The following TEX2 variants were observed in gnomAD, a reference collection of about 807,000 sequenced individuals.
The protein encoded by TEX2 is testis-expressed protein 2.
Under a neutral mutation model 106.9 loss-of-function variants are expected in TEX2, and 53 were observed. The observed-to-expected ratio is 0.50, with a 90% CI of 0.40 to 0.62. TEX2 has a LOEUF of 0.62. Among genes scored for constraint, TEX2 ranks in the 20% least tolerant of loss-of-function variants. The pLI is 0.00. For synonymous variants in TEX2, 523 were observed against 534.8 expected (o/e 0.98, Z 0.30); for missense variants, 1,207 against 1,379.0 (o/e 0.88, Z 1.98).
intron 7 of TEX2, 77 bp from the exon 8 acceptor site, chr17:64,161,010 A>T (rs2030859913): frequency 1.3e-6 from 2 of 1,482,174 alleles, no homozygotes; most frequent in Non-Finnish European, 1.8e-6. Context: ...ACATTTAAAA[A>T]TATCTAAATA....
chr17:64,213,474 C>T lies in TEX2; in HGVS notation c.744G>A (p.Lys248=). 6.2e-7 allele frequency: 1 copy of T among 1,614,170 alleles called. No homozygotes were observed. The highest frequency in any genetic ancestry group is 8.5e-7 in the Non-Finnish European group (1 of 1,180,038). The change falls in exon 2 of 12, where the codon AAG becomes AAA. Residue 248 remains lysine (K), a synonymous_variant. Coordinates refer to ENST00000584379, the MANE Select transcript of TEX2 (RefSeq NM_001288732.2). This position sits in a 1 kb window ranked among gnomAD's most constrained non-coding sequence, Gnocchi z 4.4. ...PDSKLNLHLF[K]QFTQPRNTGG... ...CTGTGTTTCGGGGCTGTGTGAACTGCTTGAACAGGTGTAAGTTCAGTTTGG... is the reference window on the plus strand; with the variant it reads ...CTGTGTTTCGGGGCTGTGTGAACTGTTTGAACAGGTGTAAGTTCAGTTTGG...
chr17:64,261,398 A>G (rs2034284885), intron 1 of TEX2, among the ~76,000 whole-genome samples: 1 of 152,202 alleles, frequency 6.6e-6, no homozygotes, highest in Non-Finnish European at 1.5e-5. Flanking sequence ...CTCCAGAAGC[A>G]TTCTAACATA....
intron 2 of TEX2, among the ~76,000 whole-genome samples, chr17:64,198,244 C>A (rs1233816545): frequency 6.6e-6 from 1 of 151,546 alleles, no homozygotes; most frequent in African/African-American, 2.4e-5. Context: ...CACCAAAGAT[C>A]TCCTGACACA....
intron 5 of TEX2, among the ~76,000 whole-genome samples, chr17:64,182,273 T>C (rs2031905282): frequency 6.6e-6 from 1 of 152,086 alleles, no homozygotes; most frequent in African/African-American, 2.4e-5. Context: ...GTACTTAGGA[T>C]AGTCAAAATC....
intron 4 of TEX2, among the ~76,000 whole-genome samples, chr17:64,188,978 T>A (rs2032196306): frequency 6.6e-6 from 1 of 152,110 alleles, no homozygotes; most frequent in East Asian, 1.9e-4. Flanking sequence ...CTCCTGATGA[T>A]CTTTTAGGAA....
At chr17:64,220,365 T>A (rs1436915118) in intron 1 of TEX2, among the ~76,000 whole-genome samples, 1 of 152,158 alleles carries the variant, frequency 6.6e-6, no homozygotes, top group Non-Finnish European at 1.5e-5. Flanking sequence ...TGGAATCTCA[T>A]TAAACTAAAG....
intron 5 of TEX2, among the ~76,000 whole-genome samples, chr17:64,180,720 T>TA (rs1278081383): frequency 2.0e-5 from 3 of 152,174 alleles, no homozygotes; most frequent in African/African-American, 7.2e-5. Flanking sequence ...GGCTTCCAAA[T>TA]AAGTGTAGAG....
chr17:64,171,416 T>C (rs895234346), intron 6 of TEX2, among the ~76,000 whole-genome samples: 12 of 152,192 alleles, frequency 7.9e-5, no homozygotes, highest in South Asian at 2.1e-4. Flanking sequence ...ACGGGGTTTA[T>C]AATAGAAAGG....
chr17:64,167,857 G>A (rs1285212497), intron 7 of TEX2, among the ~76,000 whole-genome samples: 1 of 151,982 alleles, frequency 6.6e-6, no homozygotes, highest in East Asian at 1.9e-4. Flanking sequence ...ATGAGGAAGT[G>A]AAGTGGTTCA....
At chr17:64,172,846 AG>A (rs2031468966) in intron 6 of TEX2, among the ~76,000 whole-genome samples, 1 of 152,208 alleles carries the variant, frequency 6.6e-6, no homozygotes. Flanking sequence ...ATCTATCCGT[AG>A]GAATTTATTC....
intron 7 of TEX2, among the ~76,000 whole-genome samples, chr17:64,168,042 G>T (rs1221296008): frequency 6.6e-6 from 1 of 152,028 alleles, no homozygotes; most frequent in African/African-American, 2.4e-5. Flanking sequence ...GCACAAGCCA[G>T]GAAATATTTT....
At chr17:64,246,333 C>A (rs1555636275) in intron 1 of TEX2, among the ~76,000 whole-genome samples, 1 of 152,182 alleles carries the variant, frequency 6.6e-6, no homozygotes, top group East Asian at 1.9e-4. Context: ...GCAACCTCTG[C>A]CTCCCAGGTT....
intron 1 of TEX2, among the ~76,000 whole-genome samples, chr17:64,223,856 C>A (rs964115338): frequency 2.6e-5 from 4 of 151,776 alleles, no homozygotes; most frequent in African/African-American, 2.4e-5. Context: ...GCTGGGATTA[C>A]AAGTGCCTGC....
intron 1 of TEX2, among the ~76,000 whole-genome samples, chr17:64,225,494 A>G (rs2033478873): frequency 6.6e-6 from 1 of 152,116 alleles, no homozygotes; most frequent in African/African-American, 2.4e-5. Context: ...GCTTGAATTT[A>G]TATTTAAATC....
chr17:64,149,692 C>A (rs7208634), intron 11 of TEX2: 79,960 of 152,098 alleles, frequency 0.53, 22,853 homozygotes, highest in East Asian at 0.82. Flanking sequence ...CCGAGGTGGG[C>A]AGATCACGAG....
intron 5 of TEX2, among the ~76,000 whole-genome samples, chr17:64,181,089 T>TA: frequency 7.8e-6 from 1 of 127,984 alleles, no homozygotes. Context: ...TACTCAGATT[T>TA]AAAACATTTT....
chr17:64,195,128 GA>G lies in TEX2; in HGVS notation c.1645-34del. 1 of 1,593,558 alleles carries G rather than the reference GA, an allele frequency of 6.3e-7. No homozygotes were observed. The highest frequency in any genetic ancestry group is 8.6e-7 in the Non-Finnish European group (1 of 1,162,212). Reference sequence around the variant, plus strand: ...AGAAAAACTTCCATTAGTAATATCAGAATAATCGCAAATCTGATTTAGTGTG... The same window carrying G: ...AGAAAAACTTCCATTAGTAATATCAGATAATCGCAAATCTGATTTAGTGTG... On this transcript the variant is annotated intron_variant, in intron 2 of 11. Transcript: ENST00000584379. This position sits in a 1 kb window ranked among gnomAD's most constrained non-coding sequence, Gnocchi z 4.1.
At chr17:64,252,452 G>A (rs1438972022) in intron 1 of TEX2, among the ~76,000 whole-genome samples, 1 of 151,946 alleles carries the variant, frequency 6.6e-6, no homozygotes, top group African/African-American at 2.4e-5. Flanking sequence ...AGGACTACAG[G>A]TGCACACCAC....
chr17:64,154,586 C>T (rs1598114578), intron 9 of TEX2, among the ~76,000 whole-genome samples: 1 of 152,288 alleles, frequency 6.6e-6, no homozygotes, highest in Non-Finnish European at 1.5e-5. Flanking sequence ...TCATCATCAG[C>T]ACACCCTTCA....
Sources: allele counts gnomAD v4.1 joint callset (sites outside exome capture counted in the v4.1 genomes callset), GRCh38; gene constraint gnomAD v4.1.1; non-coding constraint Gnocchi (gnomAD v3.1); transcripts MANE v1.5; gene names NCBI Gene and HGNC (gene_info 2026-07-23, HGNC 2026-07-21).